CENPI: variants seen among roughly 807,000 people sequenced by gnomAD.
CENPI encodes centromere protein I, also known as FSH primary response 1.
CENPI carries 4 observed loss-of-function variants against 60.4 expected under a neutral mutation model. The ratio of observed to expected loss-of-function variants is 0.07; its 90% CI spans 0.03 to 0.15. The LOEUF (loss-of-function observed/expected upper bound fraction) is 0.15, where lower values mean the gene tolerates loss of function less well. Among genes scored for constraint, CENPI ranks in the 10% least tolerant of loss-of-function variants. CENPI has a pLI of 1.00. For synonymous variants in CENPI, 157 were observed against 189.4 expected, an observed-to-expected ratio of 0.83 and a Z score of 1.40; for missense variants, 444 against 534.5, an observed-to-expected ratio of 0.83 and a Z score of 1.67.
intron 18 of CENPI, 47 bp downstream of exon 18, chrX:101,146,324 C>T (rs772602316): frequency 9.2e-7 from 1 of 1,090,856 alleles, no homozygotes; most frequent in East Asian, 3.1e-5. Context: ...TTATAATTCT[C>T]TCTTCCTCTT....
At chrX:101,159,771 G>A (rs2090090355) in intron 20 of CENPI, among the ~76,000 whole-genome samples, 1 of 111,987 alleles carries the variant, frequency 8.9e-6, no homozygotes, top group African/African-American at 3.2e-5. Flanking sequence ...TGACTCTTTG[G>A]TTTTTTGACT....
intron 6 of CENPI, among the ~76,000 whole-genome samples, chrX:101,110,483 ATTATTTCTC>A (rs2089542055): frequency 8.9e-6 from 1 of 112,285 alleles, no homozygotes. Flanking sequence ...AAATAGCATA[ATTATTTCTC>A]TTAAAAACAT....
chrX:101,127,688 T>G lies in CENPI; in HGVS notation c.1074+23T>G, dbSNP rs751644623. ...GAGGTATGTGACTGGACCATGTGCTTCTTTGCATTTTCTATTTGAATTTCA... is the reference window on the plus strand; with the variant it reads ...GAGGTATGTGACTGGACCATGTGCTGCTTTGCATTTTCTATTTGAATTTCA... On this transcript the variant is annotated intron_variant, in intron 11 of 21. Transcript: ENST00000682095. The G allele has an allele frequency of 2.8e-6, 3 of 1,070,957 alleles. No homozygotes were observed. In the African/African-American group the frequency reaches 5.7e-5, roughly 20 times the overall value. The allele number at this position is 1,070,957 out of a possible 1,213,427, so 88.3% of individuals were successfully genotyped here. A position where few individuals can be genotyped will look rare whatever the true frequency, so the allele number is the denominator to read the frequency against.
At chrX:101,122,767 T>A (rs2089692743) in intron 8 of CENPI, among the ~76,000 whole-genome samples, 1 of 111,100 alleles carries the variant, frequency 9.0e-6, no homozygotes, top group East Asian at 2.8e-4. Flanking sequence ...TCCCAGCTAC[T>A]TGGGAGGCTG....
chrX:101,172,261 C>T, the CENPI span, among the ~76,000 whole-genome samples: 1 of 111,649 alleles, frequency 9.0e-6, no homozygotes. Context: ...CTCAAAATTT[C>T]AAACATAGAG....
chrX:101,106,743 T>C (rs1173496057), intron 4 of CENPI, among the ~76,000 whole-genome samples: 2 of 110,802 alleles, frequency 1.8e-5, no homozygotes, highest in African/African-American at 6.6e-5. Context: ...TGTAGAATGG[T>C]ATTACTGCCA....
intron 11 of CENPI, among the ~76,000 whole-genome samples, chrX:101,128,507 CA>C (rs918431120): frequency 2.0e-4 from 22 of 110,008 alleles, no homozygotes; most frequent in Non-Finnish European, 3.2e-4. Flanking sequence ...CAAAACAAAA[CA>C]AAAAAAAATT....
chrX:101,161,559 G>C lies in CENPI; in HGVS notation c.2126G>C (p.Ser709Thr). ...CCAGAAGAAAGGACAGTAAATGTGA[G>C]CTCTATTCGGGTAAATAAATTTACT... ...ESPEERTVNV[S>T]SIRGKKWSWY... Residue 709 changes from serine (S) to threonine (T), a missense_variant, in exon 21 of 22, where the codon AGC becomes ACC. Transcript: ENST00000682095. 3 of 1,204,389 alleles carry C rather than the reference G, an allele frequency of 2.5e-6. No individual in the cohort carries two copies. Among genetic ancestry groups the C allele is most frequent in the Non-Finnish European group, 3.4e-6 (3 of 889,214 alleles).
chrX:101,143,927 G>A (rs1247095250), intron 16 of CENPI, among the ~76,000 whole-genome samples: 1 of 111,543 alleles, frequency 9.0e-6, no homozygotes, highest in African/African-American at 3.3e-5. Flanking sequence ...AATCTGTGTT[G>A]CAATGTTACT....
At chrX:101,176,866 T>C in the CENPI span, among the ~76,000 whole-genome samples, 1 of 112,704 alleles carries the variant, frequency 8.9e-6, no homozygotes, top group Non-Finnish European at 1.9e-5. Flanking sequence ...TCAGGTCTTA[T>C]GTTTCAGTCT....
chrX:101,158,843 C>A (rs868124053), intron 20 of CENPI, among the ~76,000 whole-genome samples: 2 of 110,088 alleles, frequency 1.8e-5, no homozygotes, highest in African/African-American at 3.3e-5. Flanking sequence ...GTTGGTCAGG[C>A]GGGTCTTGAA....
Position 101,128,887 on chromosome X carries a change from T to G in CENPI, c.1195+51T>G, listed in dbSNP as rs1376235488. The G allele has an allele frequency of 2.7e-6, 3 of 1,124,214 alleles. No individual in the cohort carries two copies. The Admixed American group carries it at 6.6e-5, about 25-fold the overall frequency. 92.6% of individuals were successfully genotyped at this position (1,124,214 alleles called of 1,213,427 possible). On this transcript the variant is annotated intron_variant, in intron 12 of 21. Coordinates refer to ENST00000682095, the MANE Select transcript of CENPI (RefSeq NM_001386188.2). ...AGATAGTTAACAAATGGGTTTCTTT[T>G]ATAAGGGTGCCAAATTCTAGACAGC...
At chrX:101,145,269 A>C in intron 17 of CENPI, 70 bp downstream of exon 17, 1 of 857,433 alleles carries the variant, frequency 1.2e-6, no homozygotes, top group East Asian at 3.2e-5. Context: ...TTATTATTTA[A>C]ATTTCATGCA....
the CENPI span, among the ~76,000 whole-genome samples, chrX:101,176,480 A>G: frequency 0.15 from 16,572 of 110,002 alleles, 920 homozygotes; most frequent in Middle Eastern, 0.25. Flanking sequence ...CTGGGGTGAG[A>G]TGATATCTTA....
chrX:101,121,015 A>G (rs1440897050), intron 8 of CENPI, among the ~76,000 whole-genome samples: 4 of 108,654 alleles, frequency 3.7e-5, no homozygotes, highest in African/African-American at 1.0e-4. Flanking sequence ...AGCTGGGATT[A>G]TAGGCACGCG....
At chrX:101,153,575 C>T (rs1008845694) in intron 20 of CENPI, among the ~76,000 whole-genome samples, 7 of 111,432 alleles carry the variant, frequency 6.3e-5, no homozygotes, top group Non-Finnish European at 1.3e-4. Flanking sequence ...GTGTGAGCCA[C>T]CATGCCTGGC....
intron 4 of CENPI, among the ~76,000 whole-genome samples, chrX:101,108,648 GTT>G (rs372833421): frequency 1.0e-5 from 1 of 98,999 alleles, no homozygotes. Flanking sequence ...TTGCCTTATA[GTT>G]TTTTTTTTTT....
Position 101,164,633 on chromosome X carries a change from A to G in CENPI, c.*1666A>G, listed in dbSNP as rs1006423655. ...AGGTGTGAGCCATTGCACCCAGCCC[A>G]AAGTACCTGTTTTTATGGAGTTTAC... On this transcript the variant is annotated 3_prime_UTR_variant, in exon 22 of 22. Coordinates refer to ENST00000682095, the MANE Select transcript of CENPI (RefSeq NM_001386188.2). 8.9e-6 allele frequency among the ~76,000 whole-genome samples: 1 copy of G among 112,134 alleles called. No homozygotes were observed. The highest frequency in any genetic ancestry group is 1.9e-5 in the Non-Finnish European group (1 of 53,281).
chrX:101,162,082 A>C (rs2090112864), intron 21 of CENPI, among the ~76,000 whole-genome samples: 1 of 110,128 alleles, frequency 9.1e-6, no homozygotes, highest in Admixed American at 9.9e-5. Context: ...CTGGGATTGC[A>C]TGTGTGTACC....
Sources: allele counts gnomAD v4.1 joint callset (sites outside exome capture counted in the v4.1 genomes callset), GRCh38; gene constraint gnomAD v4.1.1; transcripts MANE v1.5; gene names NCBI Gene and HGNC (gene_info 2026-07-23, HGNC 2026-07-21).